CRYBG1: variants seen among roughly 807,000 people sequenced by gnomAD.
CRYBG1 encodes the protein crystallin beta-gamma domain containing 1.
Under a neutral mutation model 189.2 loss-of-function variants are expected in CRYBG1, and 139 were observed. That is an observed-to-expected ratio of 0.73 (90% CI 0.64 to 0.85). The LOEUF is 0.85. CRYBG1 is among the 40% of genes least tolerant of loss of function. CRYBG1 has a pLI of 0.00. For missense variants in CRYBG1, 2,611 were observed against 2,675.8 expected (o/e 0.98, Z 0.53); for synonymous variants, 1,023 against 1,017.1 (o/e 1.01, Z -0.11).
intron 2 of CRYBG1, among the ~76,000 whole-genome samples, chr6:106,508,111 C>G (rs1431471611): frequency 6.6e-6 from 1 of 152,170 alleles, no homozygotes; most frequent in Admixed American, 6.5e-5. Flanking sequence ...GGCATGGTGG[C>G]ACATGCCTAT....
At chr6:106,377,621 TTATA>T (rs373644273) in intron 1 of CRYBG1, among the ~76,000 whole-genome samples, 2,528 of 69,394 alleles carry the variant, frequency 0.036, 226 homozygotes, top group Admixed American at 0.25. Context: ...TCCTAAGGTT[TTATA>T]TATATATATA....
chr6:106,560,614 T>C (rs1230972237), intron 18 of CRYBG1, among the ~76,000 whole-genome samples, 189 bp from the exon 19 acceptor site: 1 of 152,234 alleles, frequency 6.6e-6, no homozygotes, highest in African/African-American at 2.4e-5. Context: ...TAAGTACTCA[T>C]GTAACAAAAA....
intron 2 of CRYBG1, among the ~76,000 whole-genome samples, chr6:106,501,077 G>A (rs1773000750): frequency 1.3e-5 from 2 of 152,276 alleles, no homozygotes; most frequent in Non-Finnish European, 2.9e-5. Context: ...TTGATGAAGA[G>A]GTAGGGACAC....
chr6:106,391,507 T>C (rs1770500573), intron 1 of CRYBG1, among the ~76,000 whole-genome samples: 1 of 152,220 alleles, frequency 6.6e-6, no homozygotes, highest in Non-Finnish European at 1.5e-5. Flanking sequence ...TATTGGCCAT[T>C]TGATATCCTT....
intron 21 of CRYBG1, among the ~76,000 whole-genome samples, chr6:106,567,472 C>A (rs990683485): frequency 2.0e-5 from 3 of 152,168 alleles, no homozygotes; most frequent in African/African-American, 7.2e-5. Flanking sequence ...AATTCCCAAA[C>A]CTTTTTCATA....
chr6:106,560,911 A>G lies in CRYBG1; in HGVS notation c.5964A>G (p.Leu1988=), dbSNP rs761117770. 4.4e-6 allele frequency: 7 copies of G among 1,608,758 alleles called. No individual in the cohort carries two copies. The highest frequency in any genetic ancestry group is 5.9e-6 in the Non-Finnish European group (7 of 1,177,660). Residue 1988 remains leucine (L), a synonymous_variant, in exon 19 of 22, where the codon CTA becomes CTG. Coordinates refer to ENST00000633556, the MANE Select transcript of CRYBG1 (RefSeq NM_001371242.2). ...EFSGCRQIGS[L]RPFVQKRIYF... The stretch of plus-strand genomic sequence containing the variant: ...GTGGCTGTCGCCAAATAGGTTCTCT[A>G]CGACCTTTTGTTCAGGTATTTTCTT...
chr6:106,379,060 A>G (rs1410466772), intron 1 of CRYBG1, among the ~76,000 whole-genome samples: 1 of 151,970 alleles, frequency 6.6e-6, no homozygotes, highest in East Asian at 2.0e-4. Context: ...GAGGCATGCA[A>G]ATTGCTTGAC....
chr6:106,558,837 C>A (rs538585753), intron 18 of CRYBG1, among the ~76,000 whole-genome samples: 3 of 152,238 alleles, frequency 2.0e-5, no homozygotes, highest in South Asian at 2.1e-4. Flanking sequence ...GTGGCACATG[C>A]CTGTGGCCCC....
At chr6:106,436,676 T>C (rs77341956) in intron 1 of CRYBG1, among the ~76,000 whole-genome samples, 130 of 151,896 alleles carry the variant, frequency 8.6e-4, no homozygotes, top group African/African-American at 3.0e-3. Context: ...TTCCATAATA[T>C]GGACATGCAA....
chr6:106,562,058 C>G (rs1030830872), intron 20 of CRYBG1, among the ~76,000 whole-genome samples: 1 of 152,156 alleles, frequency 6.6e-6, no homozygotes, highest in African/African-American at 2.4e-5. Flanking sequence ...GTAGATAAAA[C>G]TTTTTTACTC....
chr6:106,560,666 A>G (rs1387583104), intron 18 of CRYBG1, 137 bp from the exon 19 acceptor site: 3 of 1,106,594 alleles, frequency 2.7e-6, no homozygotes, highest in Non-Finnish European at 3.7e-6. Flanking sequence ...AGTGTTCTAG[A>G]AAAGATCATT....
chr6:106,438,422 T>C (rs563437383), intron 1 of CRYBG1, among the ~76,000 whole-genome samples: 1 of 152,110 alleles, frequency 6.6e-6, no homozygotes, highest in Non-Finnish European at 1.5e-5. Context: ...AAGTCCAAAA[T>C]CAAAGTTTCA....
At chr6:106,363,492 G>C (rs888042631) in intron 1 of CRYBG1, among the ~76,000 whole-genome samples, 5 of 152,042 alleles carry the variant, frequency 3.3e-5, no homozygotes, top group African/African-American at 1.2e-4. Flanking sequence ...TAAAGAGAGT[G>C]GCAAAAGCAC....
intron 10 of CRYBG1, among the ~76,000 whole-genome samples, chr6:106,542,288 T>G (rs1297314685): frequency 7.4e-5 from 11 of 148,044 alleles, no homozygotes; most frequent in African/African-American, 2.2e-4. Context: ...TTAGGGTTTT[T>G]TTTTTTTTTG....
At chr6:106,544,722 T>C (rs372481149) in intron 12 of CRYBG1, 25 bp downstream of exon 12, 1 of 1,609,040 alleles carries the variant, frequency 6.2e-7, no homozygotes, top group Non-Finnish European at 8.5e-7. Context: ...AGCTAATGGC[T>C]AATACTTGGT....
intron 1 of CRYBG1, among the ~76,000 whole-genome samples, chr6:106,396,817 G>C (rs931920772): frequency 6.6e-6 from 1 of 152,176 alleles, no homozygotes; most frequent in Non-Finnish European, 1.5e-5. Context: ...AAATATCTGA[G>C]GTTATAGGTG....
intron 9 of CRYBG1, among the ~76,000 whole-genome samples, chr6:106,540,906 C>T (rs1325845733): frequency 6.6e-6 from 1 of 151,868 alleles, no homozygotes; most frequent in African/African-American, 2.4e-5. Context: ...AATGTAATAC[C>T]ATTTCTCTGA....
chr6:106,509,647 G>C (rs537577916), intron 2 of CRYBG1, among the ~76,000 whole-genome samples: 4 of 151,974 alleles, frequency 2.6e-5, no homozygotes, highest in South Asian at 2.1e-4. Flanking sequence ...GCTGACTCTG[G>C]GGGGTGGGTG....
At chr6:106,408,181 A>T (rs1439587973) in intron 1 of CRYBG1, among the ~76,000 whole-genome samples, 1 of 152,238 alleles carries the variant, frequency 6.6e-6, no homozygotes, top group African/African-American at 2.4e-5. Flanking sequence ...ATAAAAAATG[A>T]TGAAGGGGTA....
Sources: allele counts gnomAD v4.1 joint callset (sites outside exome capture counted in the v4.1 genomes callset), GRCh38; gene constraint gnomAD v4.1.1; transcripts MANE v1.5; gene names NCBI Gene and HGNC (gene_info 2026-07-23, HGNC 2026-07-21).